The following GAD2 variants were observed in gnomAD, a reference collection of about 807,000 sequenced individuals.
The protein encoded by GAD2 is 65 kDa glutamic acid decarboxylase.
A neutral mutation model predicts 80.1 loss-of-function variants in GAD2; 22 were observed. The observed-to-expected ratio is 0.27, with a 90% CI of 0.20 to 0.39. The LOEUF is 0.39. Ranked by LOEUF, GAD2 falls within the 10% of genes least tolerant of loss-of-function variation. The pLI is 1.00. For synonymous variants in GAD2, 274 were observed against 256.9 expected, an observed-to-expected ratio of 1.07 and a Z score of -0.64; for missense variants, 624 against 738.4, an observed-to-expected ratio of 0.85 and a Z score of 1.80.
At chr10:26,247,895 CAAA>C (rs11407523) in intron 8 of GAD2, among the ~76,000 whole-genome samples, 7 of 46,308 alleles carry the variant, frequency 1.5e-4, no homozygotes, top group Admixed American at 7.7e-4. Flanking sequence ...GACTCCATCT[CAAA>C]AAAAAAAAAA....
intron 11 of GAD2, among the ~76,000 whole-genome samples, chr10:26,279,139 G>T (rs1429392864): frequency 1.3e-5 from 2 of 152,106 alleles, no homozygotes; most frequent in Non-Finnish European, 1.5e-5. Context: ...CCCAGTAAAT[G>T]TGTGAAGTGA....
intron 15 of GAD2, among the ~76,000 whole-genome samples, chr10:26,294,747 G>C (rs74126409): frequency 0.078 from 11,890 of 152,214 alleles, 1,555 homozygotes; most frequent in African/African-American, 0.27. Flanking sequence ...CCACAGGGTG[G>C]GAGGGAATGA....
chr10:26,286,294 A>G (rs771677761), intron 12 of GAD2, 51 bp from the exon 13 acceptor site: 1 of 1,499,046 alleles, frequency 6.7e-7, no homozygotes, highest in South Asian at 1.2e-5. Context: ...ACCAATATAA[A>G]TCTAATAAGT....
chr10:26,245,696 C>A (rs1190095348), intron 7 of GAD2, among the ~76,000 whole-genome samples: 1 of 152,102 alleles, frequency 6.6e-6, no homozygotes, highest in East Asian at 1.9e-4. Context: ...CCTGCCTCGG[C>A]CTCCCAAAGT....
At chr10:26,226,819 G>A (rs1357144288) in intron 6 of GAD2, among the ~76,000 whole-genome samples, 2 of 152,160 alleles carry the variant, frequency 1.3e-5, no homozygotes, top group Non-Finnish European at 2.9e-5. Flanking sequence ...ATCTGCTTTT[G>A]TGATGTCACC....
At chr10:26,236,502 T>C (rs1589140050) in intron 7 of GAD2, among the ~76,000 whole-genome samples, 1 of 152,212 alleles carries the variant, frequency 6.6e-6, no homozygotes, top group East Asian at 1.9e-4. Flanking sequence ...GGTTTCACCA[T>C]GTTGGCCAGG....
rs199905401 is a variant in GAD2, at chr10:26,217,963, T to A, written c.258T>A (p.Asp86Glu). The change falls in exon 3 of 16, where the codon GAT (aspartate) becomes GAA (glutamate). Residue 86 changes from aspartate to glutamate, a missense_variant. Transcript: ENST00000376261. The surrounding 1 kb of genome is among the most constrained non-coding windows in gnomAD (Gnocchi z 4.9). ...DQKPCSCSKV[D>E]VNYAFLHATD... ...AGCCCTGCAGCTGCTCCAAAGTGGA[T>A]GTCAACTACGCGTTTCTCCATGCAA... 1.2e-6 allele frequency: 2 copies of A among 1,611,498 alleles called. No individual in the cohort carries two copies. Among genetic ancestry groups the A allele is most frequent in the Non-Finnish European group, 1.7e-6 (2 of 1,178,992 alleles).
chr10:26,297,313 G>A (rs1834285163), intron 15 of GAD2, among the ~76,000 whole-genome samples: 1 of 152,118 alleles, frequency 6.6e-6, no homozygotes. Context: ...AAACAAAGAG[G>A]TTTTCTAAGA....
intron 12 of GAD2, among the ~76,000 whole-genome samples, chr10:26,285,849 AAACTCCCT>A (rs967576679): frequency 2.0e-5 from 3 of 152,184 alleles, no homozygotes; most frequent in African/African-American, 7.2e-5. Flanking sequence ...AAGGGAGCTC[AAACTCCCT>A]AACAGCTAAA....
chr10:26,226,737 G>A (rs61839365), intron 6 of GAD2, among the ~76,000 whole-genome samples: 28,805 of 152,138 alleles, frequency 0.19, 2,870 homozygotes, highest in East Asian at 0.32. Context: ...AAAACATACT[G>A]TGTCATAGCT....
chr10:26,273,931 G>A (rs1290061556), intron 11 of GAD2, among the ~76,000 whole-genome samples: 2 of 152,048 alleles, frequency 1.3e-5, no homozygotes, highest in African/African-American at 4.8e-5. Context: ...CACATCAAGC[G>A]ACCCAGGTAG....
rs1701798356 is a variant in GAD2 at position 26,303,243 on chromosome 10, C to T, written c.*2282C>T. 1 of 151,646 alleles carries T rather than the reference C, an allele frequency of 6.6e-6. No homozygotes were observed. Among genetic ancestry groups the T allele is most frequent in the African/African-American group, 2.4e-5 (1 of 40,896 alleles). 9.4% of individuals were successfully genotyped at this position (151,646 alleles called of 1,614,324 possible). A position where few individuals can be genotyped will look rare whatever the true frequency, so the allele number is the denominator to read the frequency against. On this transcript the variant is annotated 3_prime_UTR_variant, in exon 16 of 16. Coordinates refer to ENST00000376261, the MANE Select transcript of GAD2 (RefSeq NM_001134366.2). ...TCCAGCAAAACAATTCTAGCAACAA[C>T]AATAGCTCTTCTTCCCCGCTCCCCT...
chr10:26,245,267 T>C (rs977788351), intron 7 of GAD2, among the ~76,000 whole-genome samples: 5 of 151,944 alleles, frequency 3.3e-5, no homozygotes, highest in African/African-American at 1.2e-4. Flanking sequence ...AGCTAATGCA[T>C]GCTGGGCTTA....
chr10:26,278,442 T>C (rs960406350), intron 11 of GAD2, among the ~76,000 whole-genome samples: 1 of 152,184 alleles, frequency 6.6e-6, no homozygotes, highest in African/African-American at 2.4e-5. Context: ...TATTCTCCTT[T>C]TCTAGTTGAG....
At chr10:26,228,610 G>A (rs1396237914) in intron 6 of GAD2, among the ~76,000 whole-genome samples, 1 of 152,158 alleles carries the variant, frequency 6.6e-6, no homozygotes, top group Admixed American at 6.5e-5. Flanking sequence ...TGAGCAAGGG[G>A]CAAGCGAGCA....
chr10:26,285,772 T>G (rs570218654), intron 12 of GAD2, among the ~76,000 whole-genome samples: 2 of 152,016 alleles, frequency 1.3e-5, no homozygotes, highest in South Asian at 2.1e-4. Context: ...ATGTGGGTTT[T>G]TTTTTTTTTT....
rs115666226 is a variant in GAD2 at position 26,217,392 on chromosome 10, C to T, written c.77-218C>T. Among the ~76,000 whole-genome samples the T allele has an allele frequency of 8.6e-3, 1,303 of 152,202 alleles. 17 individuals are homozygous for T. Among genetic ancestry groups the T allele is most frequent in the African/African-American group, 0.029 (1,193 of 41,530 alleles). On this transcript the variant is annotated intron_variant, in intron 1 of 15. Coordinates refer to ENST00000376261, the MANE Select transcript of GAD2 (RefSeq NM_001134366.2). This position sits in a 1 kb window ranked among gnomAD's most constrained non-coding sequence, Gnocchi z 4.9. ...AAGGGCAGCGGTGTGGGCTTCTCCT[C>T]GGGAAACAGATAAAGGAAATGAGGG...
At chr10:26,273,807 C>T in intron 11 of GAD2, 107 bp downstream of exon 11, 1 of 846,938 alleles carries the variant, frequency 1.2e-6, no homozygotes, top group South Asian at 1.6e-5. Context: ...TGAACTCACT[C>T]TATTCAGTGC....
intron 3 of GAD2, 62 bp from the exon 4 acceptor site, chr10:26,218,981 G>A: frequency 7.9e-7 from 1 of 1,273,152 alleles, no homozygotes. Flanking sequence ...GCCTCATCAA[G>A]ATCTTGCCTT....
Sources: allele counts gnomAD v4.1 joint callset (sites outside exome capture counted in the v4.1 genomes callset), GRCh38; gene constraint gnomAD v4.1.1; non-coding constraint Gnocchi (gnomAD v3.1); transcripts MANE v1.5; gene names NCBI Gene and HGNC (gene_info 2026-07-23, HGNC 2026-07-21).